Variants in ZNF451 observed in about 807,000 individuals in gnomAD.
ZNF451 encodes zinc finger protein 451.
In ZNF451, 80 loss-of-function variants were observed where a neutral mutation model predicts 107.1. That is an observed-to-expected ratio of 0.75 (90% CI 0.62 to 0.90). The LOEUF (loss-of-function observed/expected upper bound fraction) is 0.90, where lower values mean the gene tolerates loss of function less well. ZNF451 is among the 40% of genes least tolerant of loss of function. ZNF451 has a pLI of 0.00. For missense variants in ZNF451, 1,107 were observed against 1,236.2 expected, an observed-to-expected ratio of 0.90 and a Z score of 1.57; for synonymous variants, 362 against 406.5, an observed-to-expected ratio of 0.89 and a Z score of 1.32.
Position 57,090,188 on chromosome 6 carries a change from ATTC to A in ZNF451, c.-65_-63del. ...CCAGGCGGTGCAGGGCGGGAAGGGG[ATTC>A]GTGGCGACGGCGGCGGCAGGGACAG... On this transcript the variant is annotated 5_prime_UTR_variant, in exon 1 of 15. Transcript: ENST00000370706. 1 of 1,568,888 alleles carries A rather than the reference ATTC, an allele frequency of 6.4e-7. No individual in the cohort carries two copies. Among genetic ancestry groups the A allele is most frequent in the Non-Finnish European group, 8.6e-7 (1 of 1,156,460 alleles).
intron 3 of ZNF451, chr6:57,109,862 C>A (rs999823222): frequency 4.9e-5 from 21 of 426,714 alleles, no homozygotes; most frequent in Non-Finnish European, 6.6e-5. Context: ...TGAAAACAGT[C>A]TTTTAGTTTG....
chr6:57,129,952 T>C (rs1428386441), intron 5 of ZNF451, among the ~76,000 whole-genome samples: 1 of 152,184 alleles, frequency 6.6e-6, no homozygotes, highest in East Asian at 1.9e-4. Flanking sequence ...TATATAAGTT[T>C]GGTTGCTCAG....
intron 3 of ZNF451, among the ~76,000 whole-genome samples, chr6:57,120,907 T>A (rs2127956643): frequency 6.6e-6 from 1 of 152,344 alleles, no homozygotes; most frequent in Admixed American, 6.5e-5. Flanking sequence ...GCTTATAAAT[T>A]ATTTTTTTCA....
At chr6:57,149,975 T>G (rs931921953) in intron 10 of ZNF451, among the ~76,000 whole-genome samples, 2 of 152,176 alleles carry the variant, frequency 1.3e-5, no homozygotes, top group African/African-American at 4.8e-5. Context: ...ACTATTAGAA[T>G]AGAAACTATT....
rs760675427 is a variant in ZNF451 at position 57,142,012 on chromosome 6, G to C, written c.921G>C (p.Leu307=). 1 of 1,614,072 alleles carries C rather than the reference G, an allele frequency of 6.2e-7. No individual in the cohort carries two copies. The highest frequency in any genetic ancestry group is 2.2e-5 in the East Asian group (1 of 44,882). ...TTGCAAAGAAACTTTTGATCTCTCTGTGCAAAGATGTTCCCTTTCAAGTTA... is the reference window on the plus strand; with the variant it reads ...TTGCAAAGAAACTTTTGATCTCTCTCTGCAAAGATGTTCCCTTTCAAGTTA... ...PSFAKKLLIS[L]CKDVPFQVKC... The change falls in exon 9 of 15, where the codon CTG becomes CTC. Residue 307 remains leucine, a synonymous_variant. Coordinates refer to ENST00000370706, the MANE Select transcript of ZNF451 (RefSeq NM_001031623.3).
At chr6:57,123,615 A>G (rs1452136911) in intron 3 of ZNF451, among the ~76,000 whole-genome samples, 2 of 152,106 alleles carry the variant, frequency 1.3e-5, no homozygotes, top group East Asian at 1.9e-4. Context: ...CTTCGGCACC[A>G]TGCAGTATAC....
chr6:57,111,193 T>G (rs1345605922), intron 3 of ZNF451, among the ~76,000 whole-genome samples: 4 of 151,566 alleles, frequency 2.6e-5, no homozygotes, highest in Non-Finnish European at 5.9e-5. Flanking sequence ...AGTGCTGGGA[T>G]TGCAGGCGTG....
rs79811702 is a variant in ZNF451, at chr6:57,111,260, CT to C, written c.186+12133del. ...ACTTTTATTTTCTCTACAGTTCATC[CT>C]TTTTTTTTTTTTTCCTTCTGTGCCA... is the stretch of plus-strand genomic sequence containing the variant. On this transcript the variant is annotated intron_variant, in intron 3 of 14. Transcript: ENST00000370706. Among the ~76,000 whole-genome samples the C allele has an allele frequency of 6.1e-3, 865 of 141,666 alleles. 3 individuals are homozygous for C. Among genetic ancestry groups the C allele is most frequent in the African/African-American group, 0.014 (527 of 38,818 alleles). 92.9% of individuals were successfully genotyped at this position (141,666 alleles called of 152,430 possible).
intron 13 of ZNF451, among the ~76,000 whole-genome samples, chr6:57,157,128 T>A (rs1366117102): frequency 6.6e-6 from 1 of 152,182 alleles, no homozygotes; most frequent in Non-Finnish European, 1.5e-5. Context: ...GATTTTTGAA[T>A]TTTTCACCAG....
intron 5 of ZNF451, among the ~76,000 whole-genome samples, chr6:57,130,810 G>A (rs2127964688): frequency 6.6e-6 from 1 of 152,238 alleles, no homozygotes; most frequent in South Asian, 2.1e-4. Flanking sequence ...CTGCCTTTCA[G>A]TACTGGCTTT....
intron 4 of ZNF451, among the ~76,000 whole-genome samples, chr6:57,125,809 T>C (rs1462342022): frequency 6.6e-6 from 1 of 152,048 alleles, no homozygotes; most frequent in Admixed American, 6.6e-5. Flanking sequence ...GGTATTCTAA[T>C]TGTATGTTTT....
chr6:57,137,064 GA>G (rs1831466500), intron 7 of ZNF451, among the ~76,000 whole-genome samples: 1 of 152,126 alleles, frequency 6.6e-6, no homozygotes, highest in Non-Finnish European at 1.5e-5. Context: ...GCTTATGTAC[GA>G]GATTGTTAAG....
chr6:57,120,302 A>C (rs775303651), intron 3 of ZNF451, among the ~76,000 whole-genome samples: 7 of 152,140 alleles, frequency 4.6e-5, no homozygotes, highest in Non-Finnish European at 2.9e-5. Flanking sequence ...GAATATACCA[A>C]AGTTTATCCA....
intron 7 of ZNF451, 81 bp from the exon 8 acceptor site, chr6:57,141,221 A>G (rs1022388265): frequency 1.6e-6 from 2 of 1,221,214 alleles, no homozygotes; most frequent in Non-Finnish European, 2.2e-6. Flanking sequence ...TAAACAACAA[A>G]TAGGAAATTT....
In ZNF451 at chr6:57,147,811, A is replaced by G. The variant is rs758274630; in HGVS notation, c.1726A>G (p.Thr576Ala). 1.9e-6 allele frequency: 3 copies of G among 1,614,112 alleles called. No homozygotes were observed. The highest frequency in any genetic ancestry group is 1.7e-6 in the Non-Finnish European group (2 of 1,180,000). Residue 576 changes from threonine to alanine, a missense_variant, in exon 10 of 15, where the codon ACA (threonine) becomes GCA (alanine). Physicochemically the swap from Thr to Ala is moderately conservative, Grantham distance 58. Coordinates refer to ENST00000370706, the MANE Select transcript of ZNF451 (RefSeq NM_001031623.3). ...AGGTGAAACTTTGCCATCATCCTCT[A>G]CAACATTGGATAATTTGACTGCTAA... ...VEGETLPSSS[T>A]TLDNLTANKP...
At chr6:57,102,155 C>G in intron 3 of ZNF451, 1 of 1,447,694 alleles carries the variant, frequency 6.9e-7, no homozygotes, top group Non-Finnish European at 9.0e-7. Flanking sequence ...TTACTTGTTC[C>G]TCCTTGTACA....
chr6:57,137,977 G>A (rs1831516149), intron 7 of ZNF451, among the ~76,000 whole-genome samples: 1 of 152,132 alleles, frequency 6.6e-6, no homozygotes, highest in African/African-American at 2.4e-5. Flanking sequence ...AAGGACATAT[G>A]CCGCATTGTA....
At position 57,163,436 on chromosome 6, in the gene ZNF451, C is replaced by CTTTTTTTTTTTTTTTTT. The variant is rs398001706; in HGVS notation, c.3139+2300_3139+2316dup. On this transcript the variant is annotated intron_variant, in intron 14 of 14. Transcript: ENST00000370706. ...AATGGTTGCTTGTTAAATGAATAAA[C>CTTTTTTTTTTTTTTTTT]TTTTTTTTTTTTTTTTTTTTTTTTT... 1.2e-3 allele frequency among the ~76,000 whole-genome samples: 35 copies of CTTTTTTTTTTTTTTTTT among 30,338 alleles called. 11 individuals are homozygous for CTTTTTTTTTTTTTTTTT. The highest frequency in any genetic ancestry group is 1.6e-3 in the African/African-American group (14 of 8,572). The allele number at this position is 30,338 out of a possible 152,430, so 19.9% of individuals were successfully genotyped here.
intron 7 of ZNF451, among the ~76,000 whole-genome samples, chr6:57,135,135 A>G (rs765303599): frequency 3.3e-5 from 5 of 152,164 alleles, no homozygotes; most frequent in Admixed American, 6.5e-5. Context: ...ACCTTGTTCA[A>G]GATGCTCTGA....
Sources: allele counts gnomAD v4.1 joint callset (sites outside exome capture counted in the v4.1 genomes callset), GRCh38; gene constraint gnomAD v4.1.1; transcripts MANE v1.5; gene names NCBI Gene and HGNC (gene_info 2026-07-23, HGNC 2026-07-21).